ARMC10: variants seen among roughly 807,000 people sequenced by gnomAD.
The protein encoded by ARMC10 is armadillo repeat-containing protein 10.
A neutral mutation model predicts 30.2 loss-of-function variants in ARMC10; 23 were observed. The observed-to-expected ratio is 0.76, with a 90% CI of 0.55 to 1.08. The LOEUF is 1.08. Among genes scored for constraint, ARMC10 ranks in the 50% least tolerant of loss-of-function variants. ARMC10 has a pLI of 0.00. For missense variants in ARMC10, 303 were observed against 413.7 expected (o/e 0.73, Z 2.32); for synonymous variants, 111 against 164.4 (o/e 0.68, Z 2.48).
At chr7:103,087,031 T>A in intron 4 of ARMC10, 1 of 890,410 alleles carries the variant, frequency 1.1e-6, no homozygotes, top group Non-Finnish European at 1.5e-6. Flanking sequence ...AGTAATAGCC[T>A]TAAGGCTATA....
At chr7:103,091,335 GA>G (rs575551039) in intron 4 of ARMC10, among the ~76,000 whole-genome samples, 1 of 151,974 alleles carries the variant, frequency 6.6e-6, no homozygotes, top group African/African-American at 2.4e-5. Context: ...TGTCCCCCCG[GA>G]AAAAAAGAAA....
chr7:103,098,127 A>C (rs10808123), intron 6 of ARMC10, among the ~76,000 whole-genome samples, 172 bp from the exon 7 acceptor site: 133,216 of 152,004 alleles, frequency 0.88, 61,066 homozygotes, highest in East Asian at 1. Context: ...CTAAGTTATG[A>C]AATTTTGGGT....
At chr7:103,081,892 T>G (rs1442132668) in intron 2 of ARMC10, 1 of 456,550 alleles carries the variant, frequency 2.2e-6, no homozygotes. Context: ...ATGAGAAAAC[T>G]GAGACCCCCA....
At chr7:103,075,545 C>A in intron 1 of ARMC10, 134 bp downstream of exon 1, 1 of 1,066,200 alleles carries the variant, frequency 9.4e-7, no homozygotes, top group Non-Finnish European at 1.2e-6. Flanking sequence ...TGTGTGAGTG[C>A]AGGGTGCTGC....
Position 103,075,370 on chromosome 7 carries a change from G to A in ARMC10, c.98G>A (p.Arg33Gln). The change falls in exon 1 of 7, where the codon CGG becomes CAG. Residue 33 changes from arginine (R) to glutamine (Q), a missense_variant. Around this residue, in one of 4 missense-constraint regions of ARMC10, gnomAD observed 96 missense variants for 84.2 expected, o/e 1.14. Coordinates refer to ENST00000323716, the MANE Select transcript of ARMC10 (RefSeq NM_031905.5). ...TACAGGCTGACCCGGGGTCGGCGGC[G>A]GGGCGACCGCGAGCTCGGGATACGC... ...CIYRLTRGRR[R>Q]GDRELGIRSS... 4 of 1,281,840 alleles carry A rather than the reference G, an allele frequency of 3.1e-6. No individual in the cohort carries two copies. The highest frequency in any genetic ancestry group is 3.0e-6 in the Non-Finnish European group (3 of 1,012,750). The allele number at this position is 1,281,840 out of a possible 1,614,324, so 79.4% of individuals were successfully genotyped here.
In ARMC10 at chr7:103,086,625, C is replaced by T. The variant is rs780692148; in HGVS notation, c.394-5C>T. 33 of 1,569,134 alleles carry T rather than the reference C, an allele frequency of 2.1e-5. No individual in the cohort carries two copies. In the East Asian group the frequency reaches 4.8e-4, roughly 23 times the overall value. On this transcript the variant is annotated splice_polypyrimidine_tract_variant and splice_region_variant and intron_variant, in intron 3 of 6. Coordinates refer to ENST00000323716, the MANE Select transcript of ARMC10 (RefSeq NM_031905.5). ...CCTGCTTTTTTTTTTTTTTTCCCCT[C>T]GTAGGCTATTATTCGTGAATTGGGT... is the stretch of plus-strand genomic sequence containing the variant.
At chr7:103,082,975 T>C in intron 2 of ARMC10, 1 of 432,470 alleles carries the variant, frequency 2.3e-6, no homozygotes, top group South Asian at 1.6e-5. Context: ...AGCAACAAGA[T>C]TGGTTTACTC....
intron 3 of ARMC10, among the ~76,000 whole-genome samples, chr7:103,086,420 T>C (rs984425299): frequency 6.6e-6 from 1 of 152,142 alleles, no homozygotes; most frequent in Non-Finnish European, 1.5e-5. Context: ...ATTATATATC[T>C]TAATAATCTT....
Position 103,080,389 on chromosome 7 carries a change from G to A in ARMC10, c.245-3293G>A, listed in dbSNP as rs182906099. Among the ~76,000 whole-genome samples, 446 of 151,102 alleles carry A rather than the reference G, an allele frequency of 3.0e-3. 1 individual carries two copies. Among genetic ancestry groups the A allele is most frequent in the Middle Eastern group, 0.01 (3 of 288 alleles). On this transcript the variant is annotated intron_variant, in intron 2 of 6. Transcript: ENST00000323716. ...TCTACCTCGGCCACCCGAGTAGCTG[G>A]GACTACAGGCATGTGCCACCACTGC...
At chr7:103,097,135 T>C (rs1269098707) in intron 5 of ARMC10, 142 bp from the exon 6 acceptor site, 5 of 693,688 alleles carry the variant, frequency 7.2e-6, no homozygotes, top group Non-Finnish European at 1.0e-5. Flanking sequence ...ACGGAGAAGG[T>C]TTCCTGGAGT....
At chr7:103,076,352 G>A (rs1799819109) in intron 2 of ARMC10, among the ~76,000 whole-genome samples, 1 of 152,116 alleles carries the variant, frequency 6.6e-6, no homozygotes, top group African/African-American at 2.4e-5. Flanking sequence ...TTATCCAGAG[G>A]AAAAATAAAA....
intron 2 of ARMC10, among the ~76,000 whole-genome samples, chr7:103,081,708 C>CGT: frequency 7.6e-5 from 2 of 26,480 alleles, no homozygotes; most frequent in Non-Finnish European, 2.2e-3. Context: ...CATGAGATAA[C>CGT]ATAGAGTGGT....
intron 2 of ARMC10, chr7:103,082,037 G>A (rs909100647): frequency 2.6e-6 from 1 of 377,394 alleles, no homozygotes; most frequent in African/African-American, 2.1e-5. Flanking sequence ...AAGAGGTTTG[G>A]ATGAACCCCA....
At chr7:103,093,557 G>GTA (rs1801529944) in intron 5 of ARMC10, among the ~76,000 whole-genome samples, 1 of 152,188 alleles carries the variant, frequency 6.6e-6, no homozygotes, top group Non-Finnish European at 1.5e-5. Flanking sequence ...AAAATTAAAT[G>GTA]TAAGAGTAGT....
intron 2 of ARMC10, chr7:103,081,895 G>C (rs202096310): frequency 2.2e-6 from 1 of 456,502 alleles, no homozygotes; most frequent in East Asian, 6.9e-5. Context: ...AGAAAACTGA[G>C]ACCCCCAAAA....
chr7:103,086,997 A>T (rs1316367233), intron 4 of ARMC10: 1 of 1,178,210 alleles, frequency 8.5e-7, no homozygotes, highest in African/African-American at 1.6e-5. Flanking sequence ...GTTATCCTCT[A>T]CATCAGGGAC....
chr7:103,079,055 CA>C (rs1189202567), intron 2 of ARMC10, among the ~76,000 whole-genome samples: 2 of 152,066 alleles, frequency 1.3e-5, no homozygotes, highest in African/African-American at 4.8e-5. Flanking sequence ...GGTTTGAGAG[CA>C]TTGAAAAAGA....
chr7:103,095,975 C>T (rs546012364), intron 5 of ARMC10: 1 of 151,890 alleles, frequency 6.6e-6, no homozygotes, highest in African/African-American at 2.4e-5. Flanking sequence ...GGGAGATATA[C>T]CTAATGCTAG....
intron 5 of ARMC10, among the ~76,000 whole-genome samples, chr7:103,094,660 T>C (rs1801620229): frequency 6.6e-6 from 1 of 152,210 alleles, no homozygotes; most frequent in South Asian, 2.1e-4. Context: ...CAGGTGTTTT[T>C]TTCCTAACAC....
Sources: gnomAD v4.1 joint callset for allele counts (sites outside exome capture counted in the v4.1 genomes callset) on GRCh38, gnomAD v4.1.1 for gene constraint, gnomAD v4.1.1 regional missense constraint, MANE v1.5 for transcripts, NCBI Gene and HGNC (gene_info 2026-07-23, HGNC 2026-07-21) for gene names.